Variants in ZNF850 observed in about 807,000 individuals in gnomAD.
ZNF850 encodes the protein putative zinc finger protein ENSP00000330994.
ZNF850 carries 2 observed loss-of-function variants against 11.9 expected under a neutral mutation model. The ratio of observed to expected loss-of-function variants is 0.17; its 90% CI spans 0.07 to 0.53. ZNF850 has a LOEUF of 0.53. Among genes scored for constraint, ZNF850 ranks in the 20% least tolerant of loss-of-function variants. The probability of loss-of-function intolerance (pLI) is 0.94; values close to 1 mark genes in which losing one functional copy is unlikely to be tolerated. For synonymous variants in ZNF850, 381 were observed against 443.0 expected (o/e 0.86, Z 1.76); for missense variants, 1,014 against 1,316.4 (o/e 0.77, Z 3.55).
Position 36,762,673 on chromosome 19 carries a change from G to C in ZNF850, c.-67C>G. On this transcript the variant is annotated splice_region_variant and 5_prime_UTR_variant, in exon 2 of 5. Coordinates refer to ENST00000591344, the MANE Select transcript of ZNF850 (RefSeq NM_001193552.2). ...GGACATTCCGAATATTCCATGGTTA[G>C]AGCTGGGAATGAATAAAACACATTG... 4 of 1,464,898 alleles carry C rather than the reference G, an allele frequency of 2.7e-6. No homozygotes were observed. The highest frequency in any genetic ancestry group is 2.4e-5 in the South Asian group (2 of 82,444). The allele number at this position is 1,464,898 out of a possible 1,614,324, so 90.7% of individuals were successfully genotyped here. A position where few individuals can be genotyped will look rare whatever the true frequency, so the allele number is the denominator to read the frequency against.
chr19:36,750,784 T>A lies in ZNF850; in HGVS notation c.256A>T (p.Thr86Ser). The A allele has an allele frequency of 3.3e-6, 5 of 1,517,354 alleles. No homozygotes were observed. The highest frequency in any genetic ancestry group is 3.5e-6 in the Non-Finnish European group (4 of 1,137,142). The allele number at this position is 1,517,354 out of a possible 1,614,324, so 94.0% of individuals were successfully genotyped here. A position where few individuals can be genotyped will look rare whatever the true frequency, so the allele number is the denominator to read the frequency against. ...TCTTTTGGCAAACATGAATCTTTGGTCTTACATCTAAACTCCGAGTCTGAA... is the reference window on the plus strand; with the variant it reads ...TCTTTTGGCAAACATGAATCTTTGGACTTACATCTAAACTCCGAGTCTGAA... ...WCRDSEFRCK[T>S]KDSCLPKEIY... The change falls in exon 5 of 5, where the codon ACC becomes TCC. Residue 86 changes from threonine to serine, a missense_variant. Physicochemically the swap from Thr to Ser is moderately conservative, Grantham distance 58. Coordinates refer to ENST00000591344, the MANE Select transcript of ZNF850 (RefSeq NM_001193552.2).
At chr19:36,757,428 G>A (rs997323592) in intron 4 of ZNF850, among the ~76,000 whole-genome samples, 3 of 150,256 alleles carry the variant, frequency 2.0e-5, no homozygotes, top group Admixed American at 6.6e-5. Flanking sequence ...CTAAAAATTA[G>A]TAAGAAAATA....
chr19:36,758,255 G>A (rs963838416), intron 4 of ZNF850, among the ~76,000 whole-genome samples: 1 of 152,078 alleles, frequency 6.6e-6, no homozygotes, highest in Non-Finnish European at 1.5e-5. Context: ...CCTACTATCA[G>A]AGACTAGTAA....
intron 4 of ZNF850, among the ~76,000 whole-genome samples, chr19:36,751,103 A>G (rs1222268027): frequency 6.6e-6 from 1 of 151,348 alleles, no homozygotes; most frequent in South Asian, 2.1e-4. Context: ...GTGTACATAC[A>G]TGGTATACAT....
chr19:36,749,271 T>C lies in ZNF850; in HGVS notation c.1769A>G (p.His590Arg). ...AAAAGATTTTCCACATTCCTTACAG[T>C]GATAGGGTTTCTCACCAGTGTGAAT... ...QRIHTGEKPY[H>R]CKECGKSFTV... is the part of the protein sequence containing the mutation. Residue 590 changes from histidine (H) to arginine (R), a missense_variant, in exon 5 of 5, where the codon CAC (histidine) becomes CGC (arginine). Physicochemically the swap from His to Arg is conservative, Grantham distance 29 (BLOSUM62 0). Transcript: ENST00000591344. 1 of 1,575,758 alleles carries C rather than the reference T, an allele frequency of 6.3e-7. No homozygotes were observed. Among genetic ancestry groups the C allele is most frequent in the South Asian group, 1.1e-5 (1 of 87,400 alleles).
At chr19:36,751,878 TA>T (rs1249738768) in intron 4 of ZNF850, among the ~76,000 whole-genome samples, 3 of 152,046 alleles carry the variant, frequency 2.0e-5, no homozygotes, top group African/African-American at 4.8e-5. Context: ...TGTACAAATA[TA>T]AAATGTTAAT....
rs536254265 is a variant in ZNF850 at position 36,747,584 on chromosome 19, C to T, written c.*183G>A. 1.2e-3 allele frequency: 632 copies of T among 531,914 alleles called. 6 individuals carry two copies. Among genetic ancestry groups the T allele is most frequent in the Middle Eastern group, 3.1e-3 (6 of 1,926 alleles). 32.9% of individuals were successfully genotyped at this position (531,914 alleles called of 1,614,324 possible). A position where few individuals can be genotyped will look rare whatever the true frequency, so the allele number is the denominator to read the frequency against. The stretch of plus-strand genomic sequence containing the variant: ...CCAGGAGGCAGAGCTTGCAGTGAGC[C>T]GAGATAGCGCCACTGCACTCCAGCC... On this transcript the variant is annotated 3_prime_UTR_variant, in exon 5 of 5. Coordinates refer to ENST00000591344, the MANE Select transcript of ZNF850 (RefSeq NM_001193552.2).
intron 3 of ZNF850, 150 bp downstream of exon 3, chr19:36,762,154 AG>A: frequency 1.6e-6 from 1 of 606,268 alleles, no homozygotes; most frequent in Non-Finnish European, 2.7e-6. Context: ...AGAGTTCTGA[AG>A]CATGGAGAAG....
chr19:36,769,276 A>AAAAGAAAGAAAG lies in ZNF850; in HGVS notation c.-70+3437_-70+3448dup, dbSNP rs754621260. ...AAGACTGTCTCAAAAAAAAAAAAAA[A>AAAAGAAAGAAAG]AAAGAAAGAAAGAAAGAAAGAAAGA... is the stretch of plus-strand genomic sequence containing the variant. On this transcript the variant is annotated intron_variant, in intron 1 of 4. Transcript: ENST00000591344. 2.7e-5 allele frequency among the ~76,000 whole-genome samples: 3 copies of AAAAGAAAGAAAG among 113,182 alleles called. No homozygotes were observed. In the Admixed American group the frequency reaches 2.8e-4, roughly 10 times the overall value. 74.3% of individuals were successfully genotyped at this position (113,182 alleles called of 152,430 possible).
Position 36,747,563 on chromosome 19 carries a change from G to A in ZNF850, c.*204C>T, listed in dbSNP as rs1165780284. ...AGGCAGGAGAATGGCATGAACCCAG[G>A]AGGCAGAGCTTGCAGTGAGCCGAGA... On this transcript the variant is annotated 3_prime_UTR_variant, in exon 5 of 5. Transcript: ENST00000591344. The A allele has an allele frequency of 6.7e-6, 3 of 448,812 alleles. No individual in the cohort carries two copies. The highest frequency in any genetic ancestry group is 1.2e-5 in the Non-Finnish European group (3 of 259,660). The allele number at this position is 448,812 out of a possible 1,614,324, so 27.8% of individuals were successfully genotyped here. A position where few individuals can be genotyped will look rare whatever the true frequency, so the allele number is the denominator to read the frequency against.
intron 4 of ZNF850, among the ~76,000 whole-genome samples, chr19:36,752,951 T>C (rs976624663): frequency 6.6e-6 from 1 of 152,138 alleles, no homozygotes; most frequent in African/African-American, 2.4e-5. Context: ...TGAGGTGCCA[T>C]GAGTGCCATG....
intron 4 of ZNF850, among the ~76,000 whole-genome samples, chr19:36,751,902 G>A (rs1280742790): frequency 6.6e-6 from 1 of 152,016 alleles, no homozygotes; most frequent in Admixed American, 6.6e-5. Context: ...GAAACTACAT[G>A]TGATGTATAT....
Position 36,749,647 on chromosome 19 carries a change from G to A in ZNF850, c.1393C>T (p.Leu465Phe). The A allele has an allele frequency of 6.5e-7, 1 of 1,546,356 alleles. No individual in the cohort carries two copies. The highest frequency in any genetic ancestry group is 1.2e-5 in the South Asian group (1 of 84,472). The stretch of plus-strand genomic sequence containing the variant: ...CCAGTGTGAATCCGCTGATGTTGAA[G>A]TAGTGCTGAGCCCGAAGCAAAAGAT... ...GKSFASGSAL[L>F]QHQRIHTGEK... The change falls in exon 5 of 5, where the codon CTT (leucine) becomes TTT (phenylalanine). Residue 465 changes from leucine to phenylalanine, a missense_variant. This residue lies in a region of ZNF850 where 835 missense variants were observed against 1,022.0 expected (regional missense o/e 0.82). Coordinates refer to ENST00000591344, the MANE Select transcript of ZNF850 (RefSeq NM_001193552.2).
intron 4 of ZNF850, among the ~76,000 whole-genome samples, chr19:36,760,858 CTG>C (rs1398774135): frequency 6.6e-6 from 1 of 151,664 alleles, no homozygotes; most frequent in Non-Finnish European, 1.5e-5. Flanking sequence ...GAGTAAGACT[CTG>C]TTTCAAAAAA....
At chr19:36,752,834 T>G (rs2040461328) in intron 4 of ZNF850, among the ~76,000 whole-genome samples, 1 of 152,148 alleles carries the variant, frequency 6.6e-6, no homozygotes, top group African/African-American at 2.4e-5. Context: ...AGTCAAAGAA[T>G]TCATTTGTCT....
chr19:36,749,574 C>A lies in ZNF850; in HGVS notation c.1466G>T (p.Arg489Leu). ...TCGCTGGTGTCGATTGCGTGTTGAG[C>A]GAAAAGTAAAAGATTTTCCACATTC... is the stretch of plus-strand genomic sequence containing the variant. ...CKECGKSFTF[R>L]STRNRHQRIH... Residue 489 changes from arginine to leucine, a missense_variant, in exon 5 of 5, where the codon CGC becomes CTC. Around this residue, in one of 2 missense-constraint regions of ZNF850, gnomAD observed 835 missense variants for 1,022.0 expected, o/e 0.82. Coordinates refer to ENST00000591344, the MANE Select transcript of ZNF850 (RefSeq NM_001193552.2). The A allele has an allele frequency of 6.5e-7, 1 of 1,545,476 alleles. No individual in the cohort carries two copies. The highest frequency in any genetic ancestry group is 8.7e-7 in the Non-Finnish European group (1 of 1,150,652).
rs933831300 is a variant in ZNF850 at position 36,766,379 on chromosome 19, A to G, written c.-69-3704T>C. ...AAGAAGAGAGAAAATGAAAATTACTATTAGGACTTAAAGCTATTTCTCCCC... is the reference window on the plus strand; with the variant it reads ...AAGAAGAGAGAAAATGAAAATTACTGTTAGGACTTAAAGCTATTTCTCCCC... On this transcript the variant is annotated intron_variant, in intron 1 of 4. Coordinates refer to ENST00000591344, the MANE Select transcript of ZNF850 (RefSeq NM_001193552.2). Among the ~76,000 whole-genome samples the G allele has an allele frequency of 5.3e-5, 8 of 152,336 alleles. 1 individual carries two copies. The highest frequency in any genetic ancestry group is 1.3e-4 in the Admixed American group (2 of 15,294).
rs1302160669 is a variant in ZNF850 at position 36,747,649 on chromosome 19, A to C, written c.*118T>G. 1.0e-5 allele frequency: 12 copies of C among 1,181,106 alleles called. No individual in the cohort carries two copies. The highest frequency in any genetic ancestry group is 1.2e-5 in the Non-Finnish European group (11 of 881,584). 73.2% of individuals were successfully genotyped at this position (1,181,106 alleles called of 1,614,324 possible). On this transcript the variant is annotated 3_prime_UTR_variant, in exon 5 of 5. Coordinates refer to ENST00000591344, the MANE Select transcript of ZNF850 (RefSeq NM_001193552.2). The stretch of plus-strand genomic sequence containing the variant: ...AGACTCCGTCTCAAAAAAAAAAAAA[A>C]AAGTCGTAATTCTGGAAAAAGTGAA...
chr19:36,771,680 A>C (rs952041690), intron 1 of ZNF850, among the ~76,000 whole-genome samples: 29 of 152,104 alleles, frequency 1.9e-4, no homozygotes, highest in African/African-American at 7.0e-4. Flanking sequence ...TCACAGTCTA[A>C]AGCATGTCCA....
Sources: gnomAD v4.1 joint callset for allele counts (sites outside exome capture counted in the v4.1 genomes callset) on GRCh38, gnomAD v4.1.1 for gene constraint, gnomAD v4.1.1 regional missense constraint, MANE v1.5 for transcripts, NCBI Gene and HGNC (gene_info 2026-07-23, HGNC 2026-07-21) for gene names.